Variants in HECW2 observed in about 807,000 individuals in gnomAD.
HECW2 encodes E3 ubiquitin-protein ligase HECW2.
In HECW2, 61 loss-of-function variants were observed where a neutral mutation model predicts 175.2. The observed-to-expected ratio is 0.35, with a 90% CI of 0.28 to 0.43. The LOEUF (loss-of-function observed/expected upper bound fraction) is 0.43, where lower values mean the gene tolerates loss of function less well. Ranked by LOEUF, HECW2 falls within the 20% of genes least tolerant of loss-of-function variation. HECW2 has a pLI of 1.00. For synonymous variants in HECW2, 671 were observed against 731.0 expected (o/e 0.92, Z 1.32); for missense variants, 1,524 against 2,000.5 (o/e 0.76, Z 4.54).
chr2:196,283,792 T>C (rs1312323368), intron 14 of HECW2, among the ~76,000 whole-genome samples: 1 of 152,194 alleles, frequency 6.6e-6, no homozygotes, highest in Non-Finnish European at 1.5e-5. Flanking sequence ...AGACAGTCTC[T>C]CTAAAAGTAA....
At chr2:196,360,951 T>C (rs545082212) in intron 2 of HECW2, among the ~76,000 whole-genome samples, 1 of 152,320 alleles carries the variant, frequency 6.6e-6, no homozygotes, top group South Asian at 2.1e-4. Flanking sequence ...ATCCAATACA[T>C]TGCAGAAACA....
At chr2:196,363,225 G>GT (rs1307062067) in intron 2 of HECW2, among the ~76,000 whole-genome samples, 2 of 152,068 alleles carry the variant, frequency 1.3e-5, no homozygotes, top group Non-Finnish European at 2.9e-5. Flanking sequence ...TAGCAAGCAT[G>GT]TTCAGAATGG....
chr2:196,430,053 G>C (rs1364101571), intron 2 of HECW2, among the ~76,000 whole-genome samples: 1 of 152,188 alleles, frequency 6.6e-6, no homozygotes, highest in Non-Finnish European at 1.5e-5. Context: ...CAGGTATCCA[G>C]CTAAGACATC....
intron 1 of HECW2, among the ~76,000 whole-genome samples, chr2:196,582,093 T>TAAA (rs988221400): frequency 4.0e-5 from 6 of 151,832 alleles, no homozygotes; most frequent in Admixed American, 2.6e-4. Context: ...ATAATAATAA[T>TAAA]AAATTATCCT....
At chr2:196,425,575 A>ATCCTTCT (rs1695521200) in intron 2 of HECW2, among the ~76,000 whole-genome samples, 1 of 152,180 alleles carries the variant, frequency 6.6e-6, no homozygotes, top group Admixed American at 6.6e-5. Flanking sequence ...TGAAGGGTTC[A>ATCCTTCT]AGACTTCAGT....
chr2:196,394,505 T>C (rs570177908), intron 2 of HECW2, among the ~76,000 whole-genome samples: 160 of 152,258 alleles, frequency 1.1e-3, no homozygotes, highest in African/African-American at 3.4e-3. Flanking sequence ...GTAATTTTAG[T>C]GAGTCAATAA....
chr2:196,328,057 C>T (rs1692219491), intron 5 of HECW2, among the ~76,000 whole-genome samples: 1 of 66,518 alleles, frequency 1.5e-5, no homozygotes. Flanking sequence ...TGCTGTACAC[C>T]ATAAAAAAAT....
At chr2:196,214,839 T>C (rs936895043) in intron 28 of HECW2, among the ~76,000 whole-genome samples, 1 of 152,224 alleles carries the variant, frequency 6.6e-6, no homozygotes, top group Non-Finnish European at 1.5e-5. Flanking sequence ...GATTGCTCAG[T>C]TGCTTGTACT....
At chr2:196,413,259 G>A (rs116791579) in intron 2 of HECW2, among the ~76,000 whole-genome samples, 153 of 152,274 alleles carry the variant, frequency 1.0e-3, no homozygotes, top group African/African-American at 3.2e-3. Flanking sequence ...GGAAGCTGGC[G>A]TGGGAGGATC....
chr2:196,519,053 T>G (rs1187521311), intron 1 of HECW2, among the ~76,000 whole-genome samples: 1 of 152,206 alleles, frequency 6.6e-6, no homozygotes, highest in Non-Finnish European at 1.5e-5. Context: ...AACAACACAT[T>G]TAATACTAAT....
At chr2:196,259,826 G>T (rs1487892124) in intron 17 of HECW2, among the ~76,000 whole-genome samples, 1 of 151,720 alleles carries the variant, frequency 6.6e-6, no homozygotes, top group Non-Finnish European at 1.5e-5. Flanking sequence ...GAAGAAAAAT[G>T]AATAATAACT....
At chr2:196,296,283 A>T (rs1354654675) in intron 13 of HECW2, among the ~76,000 whole-genome samples, 1 of 152,196 alleles carries the variant, frequency 6.6e-6, no homozygotes, top group Non-Finnish European at 1.5e-5. Context: ...AAACTACTTA[A>T]TCTCTGTCTC....
chr2:196,439,807 G>C (rs768760696), intron 1 of HECW2, among the ~76,000 whole-genome samples: 14 of 152,158 alleles, frequency 9.2e-5, no homozygotes, highest in Non-Finnish European at 1.5e-4. Context: ...TTTATGCAGG[G>C]CTGATTATAA....
chr2:196,347,374 TCAAAATA>T (rs1195531937), intron 2 of HECW2, among the ~76,000 whole-genome samples: 3 of 152,016 alleles, frequency 2.0e-5, no homozygotes, highest in Non-Finnish European at 4.4e-5. Flanking sequence ...TTTGTATTTT[TCAAAATA>T]CAAAATACAA....
chr2:196,494,360 G>T (rs1293738535), intron 1 of HECW2, among the ~76,000 whole-genome samples: 1 of 152,206 alleles, frequency 6.6e-6, no homozygotes, highest in Non-Finnish European at 1.5e-5. Flanking sequence ...TAGCATTGTG[G>T]AGGATGATAC....
intron 1 of HECW2, among the ~76,000 whole-genome samples, chr2:196,494,421 G>A (rs1004875829): frequency 6.6e-6 from 1 of 152,214 alleles, no homozygotes; most frequent in Non-Finnish European, 1.5e-5. Context: ...TAACAGGGAA[G>A]ATGATACAGA....
intron 1 of HECW2, among the ~76,000 whole-genome samples, chr2:196,433,823 T>G (rs1293645662): frequency 6.6e-6 from 1 of 152,196 alleles, no homozygotes. Context: ...ACACACATAT[T>G]TATTTGCTGC....
intron 1 of HECW2, among the ~76,000 whole-genome samples, chr2:196,439,593 T>C (rs1415784957): frequency 1.3e-5 from 2 of 152,042 alleles, no homozygotes; most frequent in Non-Finnish European, 2.9e-5. Flanking sequence ...TAGAAAAGAA[T>C]TGCAGAGCCC....
chr2:196,228,155 T>G lies in HECW2; in HGVS notation c.3864A>C (p.Thr1288=), dbSNP rs61752160. Residue 1288 remains threonine, a synonymous_variant, in exon 22 of 29, where the codon ACA becomes ACC. Transcript: ENST00000644978. ...YGLFEYSAND[T]YTVQISPMSA... is the part of the protein sequence containing the mutation. ...ACATAGGACTTATTTGTACTGTGTA[T>G]GTGTCATTGGCTGAATATTCAAATA... 4.1e-4 allele frequency: 656 copies of G among 1,613,532 alleles called. No homozygotes were observed. Among genetic ancestry groups the G allele is most frequent in the Non-Finnish European group, 5.3e-4 (623 of 1,179,710 alleles).
Sources: gnomAD v4.1 joint callset for allele counts (sites outside exome capture counted in the v4.1 genomes callset) on GRCh38, gnomAD v4.1.1 for gene constraint, MANE v1.5 for transcripts, NCBI Gene and HGNC (gene_info 2026-07-23, HGNC 2026-07-21) for gene names.